Variants in PPIG observed in about 807,000 individuals in gnomAD.
PPIG encodes the protein peptidylprolyl isomerase G, also known as peptidyl-prolyl cis-trans isomerase G.
A neutral mutation model predicts 87.9 loss-of-function variants in PPIG; 26 were observed. The observed-to-expected ratio is 0.30, with a 90% CI of 0.22 to 0.41. PPIG has a LOEUF of 0.41. Among genes scored for constraint, PPIG ranks in the 10% least tolerant of loss-of-function variants. PPIG has a pLI of 1.00. For missense variants in PPIG, 722 were observed against 879.4 expected (o/e 0.82, Z 2.26); for synonymous variants, 308 against 276.5 (o/e 1.11, Z -1.13).
intron 1 of PPIG, among the ~76,000 whole-genome samples, chr2:169,587,835 C>A (rs1048111670): frequency 6.6e-6 from 1 of 152,124 alleles, no homozygotes; most frequent in African/African-American, 2.4e-5. Flanking sequence ...AAACACCAAT[C>A]TTTTATATTA....
intron 9 of PPIG, among the ~76,000 whole-genome samples, chr2:169,617,872 C>G (rs568787341): frequency 2.4e-4 from 37 of 152,256 alleles, no homozygotes; most frequent in African/African-American, 8.7e-4. Context: ...TTGCCCTGGC[C>G]AGAACTTTCA....
chr2:169,604,944 T>C (rs1211716579), intron 4 of PPIG, among the ~76,000 whole-genome samples: 2 of 151,330 alleles, frequency 1.3e-5, no homozygotes, highest in Non-Finnish European at 2.9e-5. Flanking sequence ...ACACCTGTAA[T>C]CCCAGCACTT....
At chr2:169,589,161 C>T (rs567941095) in intron 1 of PPIG, among the ~76,000 whole-genome samples, 1 of 152,160 alleles carries the variant, frequency 6.6e-6, no homozygotes, top group East Asian at 1.9e-4. Flanking sequence ...TATGGGTTAT[C>T]TCTGTAAGTT....
In PPIG at chr2:169,586,504, T is replaced by C. The variant is rs547222117; in HGVS notation, c.-70+2014T>C. ...TTTCATTAACTCAGTGGTTCCTTTA[T>C]GGGTGAAGAGTGTTCATTACATTTA... On this transcript the variant is annotated intron_variant, in intron 1 of 13. Transcript: ENST00000260970. Among the ~76,000 whole-genome samples, 144 of 152,348 alleles carry C rather than the reference T, an allele frequency of 9.5e-4. 1 individual carries two copies. The highest frequency in any genetic ancestry group is 3.4e-3 in the African/African-American group (140 of 41,584).
Position 169,637,229 on chromosome 2 carries a change from T to C in PPIG, c.1971T>C (p.Asn657=). Residue 657 remains asparagine (N), a synonymous_variant, in exon 14 of 14, where the codon AAT becomes AAC. Coordinates refer to ENST00000260970, the MANE Select transcript of PPIG (RefSeq NM_004792.3). ...GTAAGAGCTCACACAGAAAAGAAAA[T>C]TCTGAGAGTGAGAAAAGAATGTACT... ...QESKSSHRKE[N]SESEKRMYSK... The C allele has an allele frequency of 6.2e-7, 1 of 1,612,830 alleles. No individual in the cohort carries two copies. The highest frequency in any genetic ancestry group is 8.5e-7 in the Non-Finnish European group (1 of 1,179,758).
chr2:169,628,616 G>A (rs1685956353), intron 9 of PPIG, among the ~76,000 whole-genome samples: 2 of 152,084 alleles, frequency 1.3e-5, no homozygotes, highest in South Asian at 4.1e-4. Context: ...TTTGAGGCCA[G>A]CCTGTGCAAC....
At chr2:169,592,371 C>T (rs1391515105) in intron 1 of PPIG, among the ~76,000 whole-genome samples, 7 of 134,748 alleles carry the variant, frequency 5.2e-5, no homozygotes, top group Non-Finnish European at 7.6e-5. Context: ...GTGGCGCGAA[C>T]TCTGCTCACT....
At chr2:169,593,524 C>A (rs1036964964) in intron 1 of PPIG, among the ~76,000 whole-genome samples, 2 of 152,132 alleles carry the variant, frequency 1.3e-5, no homozygotes, top group Non-Finnish European at 1.5e-5. Context: ...TCCAGTCTTA[C>A]AGACACACAC....
At chr2:169,593,677 A>T (rs1574436094) in intron 1 of PPIG, among the ~76,000 whole-genome samples, 1 of 112,754 alleles carries the variant, frequency 8.9e-6, no homozygotes, top group African/African-American at 3.5e-5. Flanking sequence ...TTTGAGACGG[A>T]GTCTCATTCT....
chr2:169,591,026 CT>C (rs1311042510), intron 1 of PPIG, among the ~76,000 whole-genome samples: 1 of 152,092 alleles, frequency 6.6e-6, no homozygotes, highest in Non-Finnish European at 1.5e-5. Context: ...AAATAATTTA[CT>C]TTGTATTTTT....
intron 10 of PPIG, 83 bp from the exon 11 acceptor site, chr2:169,631,683 G>A (rs1288733822): frequency 6.3e-7 from 1 of 1,593,766 alleles, no homozygotes; most frequent in East Asian, 2.2e-5. Context: ...GTGATATAAA[G>A]GAAAGAAATA....
intron 9 of PPIG, among the ~76,000 whole-genome samples, chr2:169,615,399 A>G (rs1209857198): frequency 6.6e-6 from 1 of 152,208 alleles, no homozygotes; most frequent in Non-Finnish European, 1.5e-5. Flanking sequence ...ATCATGTTAT[A>G]CAGTAGAATT....
At chr2:169,621,234 T>G (rs1383890405) in intron 9 of PPIG, among the ~76,000 whole-genome samples, 1 of 152,118 alleles carries the variant, frequency 6.6e-6, no homozygotes, top group Non-Finnish European at 1.5e-5. Context: ...TACATTTTGT[T>G]TTGTTTTAAT....
At chr2:169,631,237 G>A (rs1686044510) in intron 10 of PPIG, among the ~76,000 whole-genome samples, 1 of 152,108 alleles carries the variant, frequency 6.6e-6, no homozygotes, top group South Asian at 2.1e-4. Flanking sequence ...ACAGATTTGT[G>A]TGTTTTATAG....
intron 10 of PPIG, 137 bp from the exon 11 acceptor site, chr2:169,631,629 C>T: frequency 4.8e-6 from 7 of 1,445,364 alleles, no homozygotes; most frequent in East Asian, 2.7e-5. Flanking sequence ...AAGATTTTTC[C>T]CATGCGATCA....
At chr2:169,584,829 G>A in intron 1 of PPIG, 2 of 296,654 alleles carry the variant, frequency 6.7e-6, no homozygotes, top group Non-Finnish European at 6.5e-6. Context: ...GGCAGCGACT[G>A]CGGCCTGAAC....
Position 169,630,813 on chromosome 2 carries a change from CT to C in PPIG, c.589del (p.Ser197ProfsTer90). The C allele has an allele frequency of 6.2e-7, 1 of 1,610,524 alleles. No individual in the cohort carries two copies. Among genetic ancestry groups the C allele is most frequent in the Non-Finnish European group, 8.5e-7 (1 of 1,179,028 alleles). On this transcript the variant is annotated frameshift_variant, in exon 10 of 14. Coordinates refer to ENST00000260970, the MANE Select transcript of PPIG (RefSeq NM_004792.3). LOFTEE classifies it high-confidence loss of function. ...AAGAAAAGGCATAAATCATCATCAT[CT>C]TCCTCCTCCTCATCTAGTGACTCAG... ...EEKKRHKSSS[S>X]SSSSSSDSDS...
At chr2:169,608,556 A>G (rs1441071572) in intron 6 of PPIG, 115 bp from the exon 7 acceptor site, 3 of 550,522 alleles carry the variant, frequency 5.4e-6, no homozygotes, top group Non-Finnish European at 9.9e-6. Flanking sequence ...TAACTTTATT[A>G]TCTAAGTAAG....
chr2:169,586,887 T>G (rs373005763), intron 1 of PPIG, among the ~76,000 whole-genome samples: 38 of 152,214 alleles, frequency 2.5e-4, no homozygotes, highest in Non-Finnish European at 4.3e-4. Flanking sequence ...CTGAAGAGTT[T>G]GTTGCAAGTC....
Sources: allele counts gnomAD v4.1 joint callset (sites outside exome capture counted in the v4.1 genomes callset), GRCh38; gene constraint gnomAD v4.1.1; transcripts MANE v1.5; gene names NCBI Gene and HGNC (gene_info 2026-07-23, HGNC 2026-07-21).